Variants in ITFG1 observed in about 807,000 individuals in gnomAD.
ITFG1 encodes the protein T-cell immunomodulatory protein.
Under a neutral mutation model 81.8 loss-of-function variants are expected in ITFG1, and 34 were observed. The ratio of observed to expected loss-of-function variants is 0.42; its 90% CI spans 0.32 to 0.55. The LOEUF (loss-of-function observed/expected upper bound fraction) is 0.55. Among genes scored for constraint, ITFG1 ranks in the 20% least tolerant of loss-of-function variants. The pLI is 0.17. For synonymous variants in ITFG1, 285 were observed against 270.6 expected (o/e 1.05, Z -0.52); for missense variants, 672 against 755.4 (o/e 0.89, Z 1.29).
At chr16:47,374,611 C>T (rs1311677867) in intron 7 of ITFG1, among the ~76,000 whole-genome samples, 1 of 152,186 alleles carries the variant, frequency 6.6e-6, no homozygotes. Flanking sequence ...AAACAAACTT[C>T]TCCCAGCAGT....
At chr16:47,182,191 AAAC>A (rs1418156274) in intron 14 of ITFG1, among the ~76,000 whole-genome samples, 1 of 152,070 alleles carries the variant, frequency 6.6e-6, no homozygotes, top group Non-Finnish European at 1.5e-5. Flanking sequence ...AAAAAAAAAA[AAAC>A]AAAAAAACAG....
At chr16:47,344,068 C>G (rs1967819508) in intron 8 of ITFG1, among the ~76,000 whole-genome samples, 1 of 152,098 alleles carries the variant, frequency 6.6e-6, no homozygotes, top group African/African-American at 2.4e-5. Context: ...TATGAAATAT[C>G]TAGAATAGGC....
At chr16:47,180,889 G>T (rs1320901362) in intron 14 of ITFG1, among the ~76,000 whole-genome samples, 1 of 150,700 alleles carries the variant, frequency 6.6e-6, no homozygotes, top group African/African-American at 2.4e-5. Context: ...GCCCAGTCTG[G>T]AAAGTGAGGA....
chr16:47,393,339 G>C (rs1007667966), intron 6 of ITFG1, among the ~76,000 whole-genome samples: 1 of 152,126 alleles, frequency 6.6e-6, no homozygotes, highest in East Asian at 1.9e-4. Flanking sequence ...GCGATGCTAT[G>C]AGGCAGTGCA....
chr16:47,261,012 A>C (rs546103619), intron 10 of ITFG1, among the ~76,000 whole-genome samples: 2 of 152,300 alleles, frequency 1.3e-5, no homozygotes, highest in South Asian at 4.1e-4. Flanking sequence ...GCACACTGTC[A>C]TTATCTGTTT....
intron 7 of ITFG1, 77 bp from the exon 8 acceptor site, chr16:47,365,946 T>A: frequency 1.3e-6 from 1 of 755,330 alleles, no homozygotes; most frequent in Non-Finnish European, 2.3e-6. Context: ...GCATTCTAAC[T>A]GAACTGGGGA....
At chr16:47,188,291 C>G (rs969762150) in intron 14 of ITFG1, among the ~76,000 whole-genome samples, 1 of 152,094 alleles carries the variant, frequency 6.6e-6, no homozygotes, top group African/African-American at 2.4e-5. Context: ...ATAAATCATG[C>G]TACTATAAAG....
intron 14 of ITFG1, among the ~76,000 whole-genome samples, chr16:47,193,092 T>C (rs555256197): frequency 6.6e-6 from 1 of 151,846 alleles, no homozygotes; most frequent in South Asian, 2.1e-4. Flanking sequence ...TTTCAGTTTG[T>C]TCTTTTTTTT....
chr16:47,255,272 C>T (rs1263359146), intron 12 of ITFG1, among the ~76,000 whole-genome samples: 1 of 152,124 alleles, frequency 6.6e-6, no homozygotes, highest in African/African-American at 2.4e-5. Flanking sequence ...TACAGGAGCC[C>T]ATTAAAATAA....
At chr16:47,197,988 A>C (rs952255810) in intron 14 of ITFG1, among the ~76,000 whole-genome samples, 1 of 152,226 alleles carries the variant, frequency 6.6e-6, no homozygotes, top group African/African-American at 2.4e-5. Flanking sequence ...TCTGTAGTAT[A>C]ATTTCTTTTT....
chr16:47,202,389 A>G (rs1292910443), intron 14 of ITFG1: 3 of 152,212 alleles, frequency 2.0e-5, no homozygotes, highest in Non-Finnish European at 4.4e-5. Context: ...TGGTTTTCAG[A>G]TTAGAAAACT....
chr16:47,357,471 C>T (rs754984752), intron 8 of ITFG1, among the ~76,000 whole-genome samples: 14 of 151,726 alleles, frequency 9.2e-5, no homozygotes, highest in South Asian at 2.1e-4. Context: ...AACAATTAGC[C>T]GGGCGTGGTG....
intron 8 of ITFG1, among the ~76,000 whole-genome samples, chr16:47,316,785 T>C (rs1967366185): frequency 6.6e-6 from 1 of 152,158 alleles, no homozygotes; most frequent in Non-Finnish European, 1.5e-5. Flanking sequence ...ACTTTTAACA[T>C]GGGAAAAATC....
At chr16:47,347,345 C>T (rs921293797) in intron 8 of ITFG1, among the ~76,000 whole-genome samples, 15 of 152,238 alleles carry the variant, frequency 9.9e-5, no homozygotes, top group Non-Finnish European at 2.1e-4. Flanking sequence ...CACTCCCACC[C>T]TAATACCGCG....
At chr16:47,158,480 G>C (rs1964749932) in intron 17 of ITFG1, among the ~76,000 whole-genome samples, 1 of 152,192 alleles carries the variant, frequency 6.6e-6, no homozygotes, top group Admixed American at 6.5e-5. Flanking sequence ...CAAAGAGATA[G>C]CTGATAATCC....
rs189134631 is a variant in ITFG1, at chr16:47,362,067, A to G, written c.802+3721T>C. 1.9e-4 allele frequency among the ~76,000 whole-genome samples: 29 copies of G among 152,240 alleles called. No homozygotes were observed. The East Asian group carries it at 4.8e-3, about 25-fold the overall frequency. Reference sequence around the variant, plus strand: ...TCCAGCTCCCTCTCCTGATTTACCTATCTTTGTGAATAGTATCACCCTTTT... The same window carrying G: ...TCCAGCTCCCTCTCCTGATTTACCTGTCTTTGTGAATAGTATCACCCTTTT... On this transcript the variant is annotated intron_variant, in intron 8 of 17. Coordinates refer to ENST00000320640, the MANE Select transcript of ITFG1 (RefSeq NM_030790.5).
chr16:47,204,686 C>T (rs1417696973), intron 14 of ITFG1, among the ~76,000 whole-genome samples: 1 of 152,114 alleles, frequency 6.6e-6, no homozygotes, highest in Non-Finnish European at 1.5e-5. Context: ...TGCCTGGGTC[C>T]CTTTCCCCCT....
intron 5 of ITFG1, among the ~76,000 whole-genome samples, chr16:47,440,458 T>C (rs1969231774): frequency 6.6e-6 from 1 of 152,138 alleles, no homozygotes; most frequent in Admixed American, 6.5e-5. Flanking sequence ...TCATCAAATG[T>C]AAAAGAACAG....
chr16:47,366,198 C>T (rs1248597937), intron 7 of ITFG1, among the ~76,000 whole-genome samples: 1 of 152,120 alleles, frequency 6.6e-6, no homozygotes, highest in Non-Finnish European at 1.5e-5. Context: ...AGTTCCTATC[C>T]TCAAAGAGCT....
Sources: allele counts gnomAD v4.1 joint callset (sites outside exome capture counted in the v4.1 genomes callset), GRCh38; gene constraint gnomAD v4.1.1; transcripts MANE v1.5; gene names NCBI Gene and HGNC (gene_info 2026-07-23, HGNC 2026-07-21).